The following THADA variants were observed in gnomAD, a reference collection of about 807,000 sequenced individuals.
THADA encodes the protein THADA armadillo repeat containing.
A neutral mutation model predicts 219.8 loss-of-function variants in THADA; 213 were observed. The ratio of observed to expected loss-of-function variants is 0.97; its 90% CI spans 0.87 to 1.09. THADA has a LOEUF of 1.09. THADA is among the 50% of genes least tolerant of loss of function. The pLI is 0.00. For missense variants in THADA, 2,956 were observed against 2,311.3 expected (o/e 1.28, Z -5.72); for synonymous variants, 1,018 against 828.9 (o/e 1.23, Z -3.92).
At chr2:43,554,276 G>C (rs777733778) in intron 17 of THADA, among the ~76,000 whole-genome samples, 4 of 152,052 alleles carry the variant, frequency 2.6e-5, no homozygotes, top group Non-Finnish European at 5.9e-5. Context: ...TTTTGAGCTA[G>C]CTTTTGTATA....
At chr2:43,475,453 A>G (rs1381387552) in intron 26 of THADA, among the ~76,000 whole-genome samples, 4 of 151,746 alleles carry the variant, frequency 2.6e-5, no homozygotes, top group African/African-American at 9.7e-5. Context: ...AAAACCTAGA[A>G]AGACTATTTG....
chr2:43,270,360 G>A (rs527705157), intron 36 of THADA, among the ~76,000 whole-genome samples: 63 of 152,230 alleles, frequency 4.1e-4, no homozygotes, highest in African/African-American at 1.3e-3. Context: ...ACCACCTGCC[G>A]CCTCTTGCTG....
At chr2:43,514,061 T>G (rs1574020607) in intron 22 of THADA, among the ~76,000 whole-genome samples, 1 of 135,716 alleles carries the variant, frequency 7.4e-6, no homozygotes, top group Admixed American at 7.5e-5. Context: ...CACTGTCCCT[T>G]AAAAAAAAAA....
At chr2:43,275,258 G>A (rs1368239725) in intron 36 of THADA, among the ~76,000 whole-genome samples, 3 of 152,128 alleles carry the variant, frequency 2.0e-5, no homozygotes, top group African/African-American at 7.2e-5. Flanking sequence ...GCCCACCTCA[G>A]CCTCCCAAAG....
chr2:43,323,000 G>C (rs1678925223), intron 30 of THADA, among the ~76,000 whole-genome samples: 1 of 151,928 alleles, frequency 6.6e-6, no homozygotes, highest in South Asian at 2.1e-4. Flanking sequence ...TCTTTTATAA[G>C]CATCTATCTG....
chr2:43,341,449 T>G (rs1422344333), intron 30 of THADA, among the ~76,000 whole-genome samples: 1 of 152,150 alleles, frequency 6.6e-6, no homozygotes, highest in African/African-American at 2.4e-5. Flanking sequence ...CTTCCCTTCC[T>G]CTTAGCTGCA....
intron 26 of THADA, among the ~76,000 whole-genome samples, chr2:43,466,600 C>G (rs1558805562): frequency 6.6e-6 from 1 of 152,146 alleles, no homozygotes; most frequent in Non-Finnish European, 1.5e-5. Context: ...TATTACCTGG[C>G]ACATAGCAGC....
chr2:43,544,279 C>T (rs1396457984), intron 20 of THADA, among the ~76,000 whole-genome samples: 1 of 152,140 alleles, frequency 6.6e-6, no homozygotes, highest in Non-Finnish European at 1.5e-5. Flanking sequence ...TTACTGTAGC[C>T]TTATAGCATA....
intron 22 of THADA, among the ~76,000 whole-genome samples, chr2:43,510,170 C>T (rs1374078906): frequency 2.0e-5 from 3 of 152,002 alleles, no homozygotes; most frequent in Admixed American, 2.0e-4. Context: ...AACAAAGTTT[C>T]CATATTTTTA....
chr2:43,434,225 G>T (rs1008483571), intron 26 of THADA, among the ~76,000 whole-genome samples: 8 of 152,204 alleles, frequency 5.3e-5, no homozygotes, highest in African/African-American at 1.9e-4. Context: ...AGCTAATACT[G>T]CAGATCACAG....
chr2:43,586,421 A>C lies in THADA; in HGVS notation c.513T>G (p.Ile171Met). 3 of 1,584,550 alleles carry C rather than the reference A, an allele frequency of 1.9e-6. No individual in the cohort carries two copies. Among genetic ancestry groups the C allele is most frequent in the Non-Finnish European group, 2.6e-6 (3 of 1,165,798 alleles). Residue 171 changes from isoleucine (I) to methionine (M), a missense_variant, in exon 7 of 38, where the codon ATT (isoleucine) becomes ATG (methionine). Transcript: ENST00000405975. ...NVLHFLQKSL[I>M]EILEENRKCA... ...CTTGCCTATTTTCTTCCAGGATTTC[A>C]ATTAAACTCTTCTGCAGAAAATGAA...
chr2:43,517,781 C>A (rs1203525750), intron 22 of THADA, among the ~76,000 whole-genome samples: 3 of 152,136 alleles, frequency 2.0e-5, no homozygotes. Flanking sequence ...TTTTTATATA[C>A]ATGTGGTTGG....
At chr2:43,321,935 C>A (rs1036940582) in intron 30 of THADA, among the ~76,000 whole-genome samples, 11 of 152,176 alleles carry the variant, frequency 7.2e-5, no homozygotes, top group Admixed American at 1.3e-4. Flanking sequence ...CTTCTCATTT[C>A]CTATAAACTA....
intron 36 of THADA, among the ~76,000 whole-genome samples, chr2:43,270,311 G>C (rs1185306094): frequency 6.6e-6 from 1 of 152,084 alleles, no homozygotes; most frequent in Non-Finnish European, 1.5e-5. Context: ...CTTTAGGAGG[G>C]GCACTGGAGA....
chr2:43,427,167 C>G (rs1678552193), intron 28 of THADA, among the ~76,000 whole-genome samples: 1 of 152,166 alleles, frequency 6.6e-6, no homozygotes, highest in African/African-American at 2.4e-5. Flanking sequence ...ACATGCCACC[C>G]ATTGCACCGG....
At chr2:43,400,476 T>TATATATATATATATATATATAA (rs903186497) in intron 28 of THADA, among the ~76,000 whole-genome samples, 10 of 144,456 alleles carry the variant, frequency 6.9e-5, no homozygotes, top group African/African-American at 2.5e-4. Flanking sequence ...TATATATATA[T>TATATATATATATATATATATAA]AAATATATAC....
chr2:43,520,743 C>CACAT (rs1692319551), intron 22 of THADA, among the ~76,000 whole-genome samples: 1 of 144,356 alleles, frequency 6.9e-6, no homozygotes. Flanking sequence ...CACACACACA[C>CACAT]ATATATATCA....
At chr2:43,542,136 G>C (rs953793563) in intron 20 of THADA, among the ~76,000 whole-genome samples, 6 of 152,018 alleles carry the variant, frequency 3.9e-5, no homozygotes, top group Non-Finnish European at 7.4e-5. Flanking sequence ...TAAAATCCAA[G>C]ATGAACTATT....
At chr2:43,437,239 T>TA (rs1680237137) in intron 26 of THADA, among the ~76,000 whole-genome samples, 1 of 152,356 alleles carries the variant, frequency 6.6e-6, no homozygotes, top group Admixed American at 6.5e-5. Context: ...AAAATTTTCT[T>TA]AGACTTCCAA....
Sources: gnomAD v4.1 joint callset for allele counts (sites outside exome capture counted in the v4.1 genomes callset) on GRCh38, gnomAD v4.1.1 for gene constraint, MANE v1.5 for transcripts, NCBI Gene and HGNC (gene_info 2026-07-23, HGNC 2026-07-21) for gene names.